CLSTN1: variants seen among roughly 807,000 people sequenced by gnomAD.
The protein encoded by CLSTN1 is calsyntenin-1.
In CLSTN1, 28 loss-of-function variants were observed where a neutral mutation model predicts 108.3. The ratio of observed to expected loss-of-function variants is 0.26; its 90% CI spans 0.19 to 0.35. The LOEUF (loss-of-function observed/expected upper bound fraction) is 0.35. Ranked by LOEUF, CLSTN1 falls within the 10% of genes least tolerant of loss-of-function variation. The pLI is 1.00. For missense variants in CLSTN1, 1,157 were observed against 1,302.6 expected (o/e 0.89, Z 1.72); for synonymous variants, 524 against 534.9 (o/e 0.98, Z 0.28).
intron 9 of CLSTN1, among the ~76,000 whole-genome samples, chr1:9,743,230 G>A (rs952428637): frequency 2.0e-5 from 3 of 152,122 alleles, no homozygotes; most frequent in Non-Finnish European, 4.4e-5. Flanking sequence ...TAGCACGTGG[G>A]GTTTTTCACA....
chr1:9,736,175 T>A, intron 11 of CLSTN1, 133 bp from the exon 12 acceptor site: 1 of 1,009,060 alleles, frequency 9.9e-7, no homozygotes, highest in Non-Finnish European at 1.5e-6. Context: ...TACCAAGTCC[T>A]GTTAGCCTTG....
rs182038906 is a variant in CLSTN1 at position 9,803,158 on chromosome 1, C to A, written c.91+20485G>T. Among the ~76,000 whole-genome samples the A allele has an allele frequency of 2.7e-3, 417 of 152,170 alleles. 7 individuals are homozygous for A. Among genetic ancestry groups the A allele is most frequent in the Admixed American group, 0.024 (366 of 15,254 alleles). The stretch of plus-strand genomic sequence containing the variant: ...AACATTCTAATGCAAAAATAATATA[C>A]AAGCAAACAGAGCTTACTTAAGTGG... On this transcript the variant is annotated intron_variant, in intron 1 of 18. Coordinates refer to ENST00000377298, the MANE Select transcript of CLSTN1 (RefSeq NM_001009566.3).
At chr1:9,733,315 T>C (rs757207881) in intron 16 of CLSTN1, 86 bp downstream of exon 16, 42 of 1,521,898 alleles carry the variant, frequency 2.8e-5, no homozygotes, top group African/African-American at 1.2e-4. Context: ...TGCTCTGAGG[T>C]TGGCGTTTGT....
chr1:9,740,848 G>A (rs1650943691), intron 10 of CLSTN1, among the ~76,000 whole-genome samples: 1 of 152,136 alleles, frequency 6.6e-6, no homozygotes, highest in Non-Finnish European at 1.5e-5. Flanking sequence ...CTCCCTCTTG[G>A]GTTTCCGGGA....
At chr1:9,770,590 T>G (rs1276774189) in intron 2 of CLSTN1, among the ~76,000 whole-genome samples, 2 of 152,250 alleles carry the variant, frequency 1.3e-5, no homozygotes, top group Non-Finnish European at 2.9e-5. Flanking sequence ...CTGCCTTTAA[T>G]GCAGAAAAGC....
At chr1:9,736,958 A>G (rs182135139) in intron 11 of CLSTN1, among the ~76,000 whole-genome samples, 1 of 152,234 alleles carries the variant, frequency 6.6e-6, no homozygotes, top group East Asian at 1.9e-4. Context: ...CTGTAGTCCC[A>G]GCTACTTGGG....
rs373741946 is a variant in CLSTN1 at position 9,792,603 on chromosome 1, G to A, written c.92-19209C>T. 4.0e-5 allele frequency among the ~76,000 whole-genome samples: 6 copies of A among 151,378 alleles called. 1 individual carries two copies. In the East Asian group the frequency reaches 6.0e-4, roughly 15 times the overall value. On this transcript the variant is annotated intron_variant, in intron 1 of 18. Coordinates refer to ENST00000377298, the MANE Select transcript of CLSTN1 (RefSeq NM_001009566.3). ...TACCAGGGACACAGACTCCAGCCAC[G>A]GGTGTCGGGTGTCGGGAACCATGCC...
chr1:9,772,600 C>T (rs930090160), intron 2 of CLSTN1, among the ~76,000 whole-genome samples: 2 of 152,180 alleles, frequency 1.3e-5, no homozygotes, highest in African/African-American at 4.8e-5. Flanking sequence ...AAGGACCCAA[C>T]GTGAAGCCAG....
In CLSTN1 at chr1:9,734,020, G is replaced by C. The variant is rs745468008; in HGVS notation, c.2233C>G (p.Gln745Glu). 8 of 1,614,012 alleles carry C rather than the reference G, an allele frequency of 5.0e-6. No homozygotes were observed. The African/African-American group carries it at 8.0e-5, about 16-fold the overall frequency. ...GAGCTGCTCACTTCAATGCCCTTCT[G>C]CTGCAGGCGGGCCATGTCCACCTCC... ...SLEVDMARLQ[Q>E]KGIEVSSSEL... Residue 745 changes from glutamine to glutamate, a missense_variant, in exon 15 of 19, where the codon CAG (glutamine) becomes GAG (glutamate). By Grantham distance (29) the Gln-to-Glu change is conservative (BLOSUM62 2). Coordinates refer to ENST00000377298, the MANE Select transcript of CLSTN1 (RefSeq NM_001009566.3). The surrounding 1 kb of genome is among the most constrained non-coding windows in gnomAD (Gnocchi z 4.8).
At position 9,734,345 on chromosome 1, in the gene CLSTN1, C is replaced by T. The variant is rs1047794566; in HGVS notation, c.2111-203G>A. ...ATCCCAGCACTTTGGGAGGCCAAGACGGGTGGATCACCTGAGGTCAGGAGT... is the reference window on the plus strand; with the variant it reads ...ATCCCAGCACTTTGGGAGGCCAAGATGGGTGGATCACCTGAGGTCAGGAGT... On this transcript the variant is annotated intron_variant, in intron 14 of 18. Coordinates refer to ENST00000377298, the MANE Select transcript of CLSTN1 (RefSeq NM_001009566.3). The surrounding 1 kb of genome is among the most constrained non-coding windows in gnomAD (Gnocchi z 4.8). Among the ~76,000 whole-genome samples the T allele has an allele frequency of 2.0e-5, 3 of 152,234 alleles. No homozygotes were observed. Among genetic ancestry groups the T allele is most frequent in the East Asian group, 1.9e-4 (1 of 5,174 alleles).
At chr1:9,731,953 G>A in intron 16 of CLSTN1, 57 bp from the exon 17 acceptor site, 1 of 1,607,754 alleles carries the variant, frequency 6.2e-7, no homozygotes, top group Non-Finnish European at 8.5e-7. Context: ...TGTCCAAGAG[G>A]TGACAGTGGA....
chr1:9,762,165 AAAG>A lies in CLSTN1; in HGVS notation c.215-5658_215-5656del, dbSNP rs754729473. On this transcript the variant is annotated intron_variant, in intron 2 of 18. Transcript: ENST00000377298. Reference sequence around the variant, plus strand: ...AATGGGAAACGGATCACGGGGCTGTAAAGAAGAGAAAATGGGCCGGGTGTGGTG... The same window carrying A: ...AATGGGAAACGGATCACGGGGCTGTAAAGAGAAAATGGGCCGGGTGTGGTG... Among the ~76,000 whole-genome samples the A allele has an allele frequency of 1.7e-3, 261 of 152,338 alleles. 2 individuals carry two copies. The highest frequency in any genetic ancestry group is 3.3e-3 in the Non-Finnish European group (222 of 68,036).
At chr1:9,782,972 A>G (rs943289620) in intron 1 of CLSTN1, among the ~76,000 whole-genome samples, 2 of 152,198 alleles carry the variant, frequency 1.3e-5, no homozygotes, top group Non-Finnish European at 2.9e-5. Context: ...GCGCCATCGC[A>G]CTCCAGCCTG....
intron 1 of CLSTN1, among the ~76,000 whole-genome samples, chr1:9,803,815 T>C (rs1654389421): frequency 6.6e-6 from 1 of 151,684 alleles, no homozygotes; most frequent in African/African-American, 2.4e-5. Context: ...AAAAATTAAA[T>C]AAAATTAAAT....
chr1:9,746,612 G>A (rs1272627256), intron 7 of CLSTN1, among the ~76,000 whole-genome samples: 1 of 152,080 alleles, frequency 6.6e-6, no homozygotes, highest in Admixed American at 6.6e-5. Context: ...TACTTGGGAG[G>A]CTGAGGTGGG....
Position 9,744,604 on chromosome 1 carries a change from C to T in CLSTN1, c.1025G>A (p.Ser342Asn), listed in dbSNP as rs1651159315. Residue 342 changes from serine to asparagine, a missense_variant, in exon 8 of 19, where the codon AGT becomes AAT. Ser to Asn is a conservative substitution (Grantham distance 46, BLOSUM62 1). Coordinates refer to ENST00000377298, the MANE Select transcript of CLSTN1 (RefSeq NM_001009566.3). ...GCCCATGGTCCAGTTGAGGGATCCA[C>T]TCGGGGATGGCAGCAGCTCGGCAGT... ...AGTAELLPSP[S>N]GSLNWTMGLP... The T allele has an allele frequency of 6.2e-7, 1 of 1,613,170 alleles. No homozygotes were observed. Among genetic ancestry groups the T allele is most frequent in the Non-Finnish European group, 8.5e-7 (1 of 1,180,016 alleles).
intron 1 of CLSTN1, among the ~76,000 whole-genome samples, chr1:9,792,457 C>T: frequency 6.6e-6 from 1 of 151,460 alleles, no homozygotes; most frequent in Non-Finnish European, 1.5e-5. Flanking sequence ...AGTTCCAAAG[C>T]TGACAGGTGA....
chr1:9,734,198 C>A lies in CLSTN1; in HGVS notation c.2111-56G>T. The A allele has an allele frequency of 6.4e-7, 1 of 1,568,498 alleles. No homozygotes were observed. Among genetic ancestry groups the A allele is most frequent in the Non-Finnish European group, 8.7e-7 (1 of 1,145,642 alleles). On this transcript the variant is annotated intron_variant, in intron 14 of 18. Coordinates refer to ENST00000377298, the MANE Select transcript of CLSTN1 (RefSeq NM_001009566.3). The surrounding 1 kb of genome is among the most constrained non-coding windows in gnomAD (Gnocchi z 4.8). ...GTAGGGGCAGTGGGGCCCAGCGTGGCGGGGCACACTGGATGCCCTGCCGGC... is the reference window on the plus strand; with the variant it reads ...GTAGGGGCAGTGGGGCCCAGCGTGGAGGGGCACACTGGATGCCCTGCCGGC...
At position 9,734,878 on chromosome 1, in the gene CLSTN1, C is replaced by T. The variant is rs1264811992; in HGVS notation, c.2110+70G>A. On this transcript the variant is annotated intron_variant, in intron 14 of 18. Coordinates refer to ENST00000377298, the MANE Select transcript of CLSTN1 (RefSeq NM_001009566.3). This position sits in a 1 kb window ranked among gnomAD's most constrained non-coding sequence, Gnocchi z 4.8. ...CAAATCCCACAGAGACAAAGAGCCC[C>T]GCCAAGTACATGGGGACAATGGGGT... The T allele has an allele frequency of 9.8e-6, 13 of 1,323,586 alleles. No individual in the cohort carries two copies. The highest frequency in any genetic ancestry group is 5.9e-5 in the South Asian group (5 of 84,592). The allele number at this position is 1,323,586 out of a possible 1,614,324, so 82.0% of individuals were successfully genotyped here.
Sources: gnomAD v4.1 joint callset for allele counts (sites outside exome capture counted in the v4.1 genomes callset) on GRCh38, gnomAD v4.1.1 for gene constraint, Gnocchi (gnomAD v3.1) non-coding constraint, MANE v1.5 for transcripts, NCBI Gene and HGNC (gene_info 2026-07-23, HGNC 2026-07-21) for gene names.